TGFBR2: variants seen among roughly 807,000 people sequenced by gnomAD.
TGFBR2 encodes transforming growth factor beta receptor 2.
Under a neutral mutation model 49.0 loss-of-function variants are expected in TGFBR2, and 18 were observed. The ratio of observed to expected loss-of-function variants is 0.37; its 90% CI spans 0.25 to 0.54. The LOEUF (loss-of-function observed/expected upper bound fraction) is 0.54, where lower values mean the gene tolerates loss of function less well. Among genes scored for constraint, TGFBR2 ranks in the 20% least tolerant of loss-of-function variants. The pLI, the probability that TGFBR2 is intolerant of heterozygous loss-of-function variation, is 0.85. For synonymous variants in TGFBR2, 282 were observed against 275.9 expected (o/e 1.02, Z -0.22); for missense variants, 525 against 722.6 (o/e 0.73, Z 3.13).
intron 3 of TGFBR2, among the ~76,000 whole-genome samples, chr3:30,671,235 T>C (rs1032559339): frequency 6.6e-6 from 1 of 152,216 alleles, no homozygotes; most frequent in South Asian, 2.1e-4. Context: ...GAGTTCCCTG[T>C]CCGTGGGGGA....
intron 2 of TGFBR2, among the ~76,000 whole-genome samples, chr3:30,648,419 TACACACACAC>T (rs35473576): frequency 2.5e-3 from 290 of 115,620 alleles, no homozygotes; most frequent in African/African-American, 5.2e-3. Flanking sequence ...AAAAACAACC[TACACACACAC>T]ACACACACAC....
chr3:30,645,993 C>T (rs1351658090), intron 2 of TGFBR2, among the ~76,000 whole-genome samples: 2 of 152,134 alleles, frequency 1.3e-5, no homozygotes, highest in African/African-American at 4.8e-5. Flanking sequence ...TACAAAAGTA[C>T]ATAAATTCAT....
At chr3:30,612,275 G>A (rs1202348863) in intron 1 of TGFBR2, among the ~76,000 whole-genome samples, 2 of 152,176 alleles carry the variant, frequency 1.3e-5, no homozygotes, top group African/African-American at 4.8e-5. Context: ...TGGATGGAAA[G>A]ATGGATCCTG....
At chr3:30,680,009 G>T (rs1002966286) in intron 5 of TGFBR2, among the ~76,000 whole-genome samples, 17 of 152,104 alleles carry the variant, frequency 1.1e-4, no homozygotes, top group Non-Finnish European at 2.2e-4. Flanking sequence ...GCCTGTAATC[G>T]CAGCTACTCA....
rs556854818 is a variant in TGFBR2 at position 30,606,758 on chromosome 3, C to T, written c.-126C>T. The T allele has an allele frequency of 7.3e-5, 48 of 653,518 alleles. No individual in the cohort carries two copies. The highest frequency in any genetic ancestry group is 5.5e-4 in the African/African-American group (29 of 53,154). 40.5% of individuals were successfully genotyped at this position (653,518 alleles called of 1,614,324 possible). Reference sequence around the variant, plus strand: ...GCGAGCGGGCGCCACATCTGGCCCGCACATCTGCGCTGCCGGCCCGGCGCG... The same window carrying T: ...GCGAGCGGGCGCCACATCTGGCCCGTACATCTGCGCTGCCGGCCCGGCGCG... On this transcript the variant is annotated 5_prime_UTR_variant, in exon 1 of 7. Coordinates refer to ENST00000295754, the MANE Select transcript of TGFBR2 (RefSeq NM_003242.6).
intron 6 of TGFBR2, among the ~76,000 whole-genome samples, chr3:30,690,849 A>C (rs1699696725): frequency 1.3e-5 from 2 of 152,220 alleles, no homozygotes; most frequent in South Asian, 4.1e-4. Context: ...GGAATATACA[A>C]CACCAAGAGT....
At chr3:30,625,723 G>A (rs1182046383) in intron 1 of TGFBR2, among the ~76,000 whole-genome samples, 1 of 152,180 alleles carries the variant, frequency 6.6e-6, no homozygotes, top group African/African-American at 2.4e-5. Flanking sequence ...ACTAGAGTTT[G>A]AGTCATATGA....
chr3:30,638,939 G>A (rs927927349), intron 1 of TGFBR2, among the ~76,000 whole-genome samples: 1 of 152,136 alleles, frequency 6.6e-6, no homozygotes, highest in Non-Finnish European at 1.5e-5. Flanking sequence ...ACTCGGAAAT[G>A]CTGCAGGCAA....
chr3:30,682,909 T>C (rs1464768362), intron 5 of TGFBR2, among the ~76,000 whole-genome samples: 1 of 152,198 alleles, frequency 6.6e-6, no homozygotes, highest in Non-Finnish European at 1.5e-5. Flanking sequence ...GGCATGTTCA[T>C]ACCAGGGACT....
chr3:30,677,618 C>G (rs1699463932), intron 5 of TGFBR2, among the ~76,000 whole-genome samples: 1 of 152,176 alleles, frequency 6.6e-6, no homozygotes, highest in Admixed American at 6.5e-5. Context: ...TCTCAAAAAC[C>G]TTAAAGACAG....
intron 2 of TGFBR2, among the ~76,000 whole-genome samples, chr3:30,648,806 C>T (rs1286359662): frequency 6.6e-6 from 1 of 152,132 alleles, no homozygotes; most frequent in Non-Finnish European, 1.5e-5. Flanking sequence ...TTGACACTGG[C>T]ACCATTCCTG....
intron 1 of TGFBR2, among the ~76,000 whole-genome samples, chr3:30,632,291 G>T (rs529707327): frequency 3.3e-5 from 5 of 152,196 alleles, no homozygotes; most frequent in Non-Finnish European, 5.9e-5. Flanking sequence ...AGCCAAAGTA[G>T]ATCAGCTCTC....
intron 1 of TGFBR2, among the ~76,000 whole-genome samples, chr3:30,614,845 A>G (rs1479299551): frequency 6.6e-6 from 1 of 152,188 alleles, no homozygotes; most frequent in African/African-American, 2.4e-5. Flanking sequence ...GTTATACTGT[A>G]CTGAGACTAG....
At chr3:30,646,193 T>A (rs1457575372) in intron 2 of TGFBR2, among the ~76,000 whole-genome samples, 1 of 152,208 alleles carries the variant, frequency 6.6e-6, no homozygotes, top group Non-Finnish European at 1.5e-5. Context: ...ATGATAGATC[T>A]GGAAACCTTG....
chr3:30,637,080 G>C (rs77399091), intron 1 of TGFBR2, among the ~76,000 whole-genome samples: 1 of 144,638 alleles, frequency 6.9e-6, no homozygotes, highest in Non-Finnish European at 1.5e-5. Flanking sequence ...AAAAAAAAAA[G>C]CAATAAAAGC....
intron 1 of TGFBR2, among the ~76,000 whole-genome samples, chr3:30,622,588 G>A (rs111607650): frequency 0.012 from 1,760 of 152,060 alleles, 34 homozygotes; most frequent in South Asian, 0.054. Context: ...CAGGCAGATA[G>A]AAAACTAGTA....
intron 6 of TGFBR2, among the ~76,000 whole-genome samples, chr3:30,690,012 A>G (rs1575165934): frequency 6.6e-6 from 1 of 152,338 alleles, no homozygotes; most frequent in Non-Finnish European, 1.5e-5. Flanking sequence ...TAGGTGAATT[A>G]TGCAATTAAT....
chr3:30,677,347 T>C (rs1699458093), intron 5 of TGFBR2, among the ~76,000 whole-genome samples: 1 of 152,200 alleles, frequency 6.6e-6, no homozygotes, highest in African/African-American at 2.4e-5. Flanking sequence ...TTTATAACCT[T>C]AGGATAAGAA....
At chr3:30,637,457 C>T (rs868177198) in intron 1 of TGFBR2, among the ~76,000 whole-genome samples, 1 of 152,136 alleles carries the variant, frequency 6.6e-6, no homozygotes, top group East Asian at 1.9e-4. Context: ...CCTTAGATAC[C>T]GCTGGGTCAC....
Sources: gnomAD v4.1 joint callset for allele counts (sites outside exome capture counted in the v4.1 genomes callset) on GRCh38, gnomAD v4.1.1 for gene constraint, MANE v1.5 for transcripts, NCBI Gene and HGNC (gene_info 2026-07-23, HGNC 2026-07-21) for gene names.